The following DNAJC5 variants were observed in gnomAD, a reference collection of about 807,000 sequenced individuals.
The protein encoded by DNAJC5 is dnaJ homolog subfamily C member 5.
A neutral mutation model predicts 23.2 loss-of-function variants in DNAJC5; 1 was observed. The ratio of observed to expected loss-of-function variants is 0.04; its 90% CI spans 0.02 to 0.20. The LOEUF is 0.20. DNAJC5 is among the 10% of genes least tolerant of loss of function. DNAJC5 has a pLI of 1.00. For missense variants in DNAJC5, 180 were observed against 267.0 expected (o/e 0.67, Z 2.27); for synonymous variants, 136 against 120.0 (o/e 1.13, Z -0.87).
At chr20:63,923,474 C>T (rs944922253) in intron 1 of DNAJC5, among the ~76,000 whole-genome samples, 1 of 149,358 alleles carries the variant, frequency 6.7e-6, no homozygotes, top group Non-Finnish European at 1.5e-5. Flanking sequence ...TAGGGTGGCT[C>T]ACACCTGTGA....
At chr20:63,900,063 A>G (rs2053401990) in intron 1 of DNAJC5, among the ~76,000 whole-genome samples, 1 of 150,262 alleles carries the variant, frequency 6.7e-6, no homozygotes, top group Non-Finnish European at 1.5e-5. Flanking sequence ...TAATTTTTGT[A>G]TTTTTAGTAG....
rs570195308 is a variant in DNAJC5 at position 63,902,682 on chromosome 20, T to TG, written c.-12+7359_-12+7360insG. On this transcript the variant is annotated intron_variant, in intron 1 of 4. Coordinates refer to ENST00000360864, the MANE Select transcript of DNAJC5 (RefSeq NM_025219.3). Reference sequence around the variant, plus strand: ...CGCACCTGGCCTCATCTTGTTTTTTTTTTTTTTTTTTGAGACAGAGTCTTG... The same window carrying TG: ...CGCACCTGGCCTCATCTTGTTTTTTTGTTTTTTTTTTTGAGACAGAGTCTTG... 3.4e-5 allele frequency among the ~76,000 whole-genome samples: 5 copies of TG among 146,024 alleles called. No individual in the cohort carries two copies. The South Asian group carries it at 1.1e-3, about 32-fold the overall frequency.
At chr20:63,927,730 C>T (rs2053628211) in intron 1 of DNAJC5, among the ~76,000 whole-genome samples, 1 of 151,982 alleles carries the variant, frequency 6.6e-6, no homozygotes. Context: ...TCTGTCAGTC[C>T]CTTACTTTAA....
chr20:63,917,973 T>C (rs974393437), intron 1 of DNAJC5, among the ~76,000 whole-genome samples: 2 of 152,222 alleles, frequency 1.3e-5, no homozygotes, highest in Non-Finnish European at 1.5e-5. Flanking sequence ...CCTGCCAGTG[T>C]CTGTGCTGCT....
chr20:63,908,266 C>CT (rs1273835678), intron 1 of DNAJC5, among the ~76,000 whole-genome samples: 1 of 152,230 alleles, frequency 6.6e-6, no homozygotes, highest in Non-Finnish European at 1.5e-5. Context: ...GTGAATTTCT[C>CT]TAAGAGCAGT....
chr20:63,931,593 G>T lies in DNAJC5; in HGVS notation c.*25G>T. The T allele has an allele frequency of 6.5e-7, 1 of 1,540,270 alleles. No individual in the cohort carries two copies. On this transcript the variant is annotated 3_prime_UTR_variant, in exon 5 of 5. Transcript: ENST00000360864. This position sits in a 1 kb window ranked among gnomAD's most constrained non-coding sequence, Gnocchi z 9.6. ...AATCCAGGAGGAGCTGTGGTCAGAG[G>T]AGGAGCCGGCGCCTGGCCACGCCAA...
At position 63,933,709 on chromosome 20, in the gene DNAJC5, G is replaced by A. The variant is rs1339831307; in HGVS notation, c.*2141G>A. The A allele has an allele frequency of 6.6e-6, 1 of 152,382 alleles. No homozygotes were observed. The highest frequency in any genetic ancestry group is 2.4e-5 in the African/African-American group (1 of 41,450). The allele number at this position is 152,382 out of a possible 1,614,324, so 9.4% of individuals were successfully genotyped here. A position where few individuals can be genotyped will look rare whatever the true frequency, so the allele number is the denominator to read the frequency against. On this transcript the variant is annotated 3_prime_UTR_variant, in exon 5 of 5. Coordinates refer to ENST00000360864, the MANE Select transcript of DNAJC5 (RefSeq NM_025219.3). ...TTTGTAGATGTAGCTTAGGACGTGA[G>A]TTATTTTTCCGCAGACTGGCCAAGA...
chr20:63,911,671 T>C (rs778499091), intron 1 of DNAJC5, among the ~76,000 whole-genome samples: 20 of 152,040 alleles, frequency 1.3e-4, no homozygotes, highest in Non-Finnish European at 2.5e-4. Context: ...CCAGGGACTT[T>C]AGGAATTCTT....
rs531246320 is a variant in DNAJC5, at chr20:63,895,194, T to TGCCGCCGCC, written c.-128_-120dup. 5.3e-4 allele frequency: 81 copies of TGCCGCCGCC among 153,704 alleles called. No individual in the cohort carries two copies. Among genetic ancestry groups the TGCCGCCGCC allele is most frequent in the East Asian group, 1.9e-3 (10 of 5,316 alleles). 9.5% of individuals were successfully genotyped at this position (153,704 alleles called of 1,614,324 possible). A position where few individuals can be genotyped will look rare whatever the true frequency, so the allele number is the denominator to read the frequency against. Reference sequence around the variant, plus strand: ...CTGCCGGTGCCGCACCCGCGCCCTCTGCCGCCGCCGCCGCCGCCGCCCGGG... The same window carrying TGCCGCCGCC: ...CTGCCGGTGCCGCACCCGCGCCCTCTGCCGCCGCCGCCGCCGCCGCCGCCGCCGCCCGGG... On this transcript the variant is annotated 5_prime_UTR_variant, in exon 1 of 5. Coordinates refer to ENST00000360864, the MANE Select transcript of DNAJC5 (RefSeq NM_025219.3).
chr20:63,931,562 C>A lies in DNAJC5; in HGVS notation c.591C>A (p.Phe197Leu). ...DSHPSYHTDG[F>L]N is the part of the protein sequence containing the mutation. ...ACCCCAGCTACCACACTGACGGGTT[C>A]AACTAAATCCAGGAGGAGCTGTGGT... The change falls in exon 5 of 5, where the codon TTC becomes TTA. Residue 197 changes from phenylalanine (F) to leucine (L), a missense_variant. Phe to Leu is a conservative substitution (Grantham distance 22). Transcript: ENST00000360864. The surrounding 1 kb of genome is among the most constrained non-coding windows in gnomAD (Gnocchi z 9.6). 6.4e-7 allele frequency: 1 copy of A among 1,566,006 alleles called. No individual in the cohort carries two copies. Among genetic ancestry groups the A allele is most frequent in the Non-Finnish European group, 8.6e-7 (1 of 1,159,962 alleles).
At chr20:63,926,882 A>G (rs944728930) in intron 1 of DNAJC5, among the ~76,000 whole-genome samples, 3 of 152,222 alleles carry the variant, frequency 2.0e-5, no homozygotes, top group Non-Finnish European at 4.4e-5. Flanking sequence ...CGATGCAGCA[A>G]AGGAGACATG....
rs1033311502 is a variant in DNAJC5 at position 63,930,843 on chromosome 20, C to T, written c.322-8C>T. On this transcript the variant is annotated splice_region_variant and splice_polypyrimidine_tract_variant and intron_variant, in intron 3 of 4. Transcript: ENST00000360864. The stretch of plus-strand genomic sequence containing the variant: ...AGGCCATGCAACACCACCTTCTTCT[C>T]CCCCCAGGCCCTGTTTGTCTTCTGC... 3 of 1,611,858 alleles carry T rather than the reference C, an allele frequency of 1.9e-6. No homozygotes were observed. The highest frequency in any genetic ancestry group is 1.7e-6 in the Non-Finnish European group (2 of 1,179,826).
At chr20:63,921,106 T>C (rs1197440088) in intron 1 of DNAJC5, among the ~76,000 whole-genome samples, 1 of 152,060 alleles carries the variant, frequency 6.6e-6, no homozygotes, top group Non-Finnish European at 1.5e-5. Context: ...ATTACAGGCA[T>C]GTGCCATCAC....
chr20:63,934,346 G>C lies in DNAJC5; in HGVS notation c.*2778G>C, dbSNP rs1479821392. Reference sequence around the variant, plus strand: ...CCCCTGCCTGCTTTTGCTGGTGGCAGTGACGGGACCCCGACTCCTCACTCT... The same window carrying C: ...CCCCTGCCTGCTTTTGCTGGTGGCACTGACGGGACCCCGACTCCTCACTCT... On this transcript the variant is annotated 3_prime_UTR_variant, in exon 5 of 5. Transcript: ENST00000360864. 6.6e-6 allele frequency: 1 copy of C among 152,378 alleles called. No homozygotes were observed. The highest frequency in any genetic ancestry group is 1.9e-4 in the East Asian group (1 of 5,202). The allele number at this position is 152,378 out of a possible 1,614,324, so 9.4% of individuals were successfully genotyped here.
At position 63,929,234 on chromosome 20, in the gene DNAJC5, G is replaced by A; in HGVS notation, c.108-78G>A. 1 of 1,507,892 alleles carries A rather than the reference G, an allele frequency of 6.6e-7. No individual in the cohort carries two copies. Among genetic ancestry groups the A allele is most frequent in the Admixed American group, 1.9e-5 (1 of 51,298 alleles). 93.4% of individuals were successfully genotyped at this position (1,507,892 alleles called of 1,614,324 possible). ...CCTTCCACTGCACCCGGCAGTGCGTGCGGGTGGGATGGACGCGGCGGCGGG... is the reference window on the plus strand; with the variant it reads ...CCTTCCACTGCACCCGGCAGTGCGTACGGGTGGGATGGACGCGGCGGCGGG... On this transcript the variant is annotated intron_variant, in intron 2 of 4. Transcript: ENST00000360864. This position sits in a 1 kb window ranked among gnomAD's most constrained non-coding sequence, Gnocchi z 8.6.
chr20:63,932,871 C>T lies in DNAJC5; in HGVS notation c.*1303C>T, dbSNP rs41278214. The T allele has an allele frequency of 0.065, 9,936 of 152,452 alleles. 469 individuals carry two copies. Among genetic ancestry groups the T allele is most frequent in the Non-Finnish European group, 0.079 (5,373 of 68,068 alleles). The allele number at this position is 152,452 out of a possible 1,614,324, so 9.4% of individuals were successfully genotyped here. On this transcript the variant is annotated 3_prime_UTR_variant, in exon 5 of 5. Coordinates refer to ENST00000360864, the MANE Select transcript of DNAJC5 (RefSeq NM_025219.3). This position sits in a 1 kb window ranked among gnomAD's most constrained non-coding sequence, Gnocchi z 4.4. ...CCTTGGGAGGCCAGCAGCCAGACTA[C>T]GGAATCCACATGTGGACCATGGGAA...
chr20:63,931,349 G>A lies in DNAJC5; in HGVS notation c.494-116G>A. 9.6e-7 allele frequency: 1 copy of A among 1,043,074 alleles called. No homozygotes were observed. The highest frequency in any genetic ancestry group is 1.4e-6 in the Non-Finnish European group (1 of 699,374). The allele number at this position is 1,043,074 out of a possible 1,614,324, so 64.6% of individuals were successfully genotyped here. ...AGCCGTGTGGGGTGGAGGTCAGCGAGTAGCCTCTCCCGGTGGAGAGTTTGT... is the reference window on the plus strand; with the variant it reads ...AGCCGTGTGGGGTGGAGGTCAGCGAATAGCCTCTCCCGGTGGAGAGTTTGT... On this transcript the variant is annotated intron_variant, in intron 4 of 4. Coordinates refer to ENST00000360864, the MANE Select transcript of DNAJC5 (RefSeq NM_025219.3). This position sits in a 1 kb window ranked among gnomAD's most constrained non-coding sequence, Gnocchi z 9.6.
rs1455262461 is a variant in DNAJC5, at chr20:63,899,486, A to AT, written c.-12+4164dup. Among the ~76,000 whole-genome samples, 4 of 152,362 alleles carry AT rather than the reference A, an allele frequency of 2.6e-5. No homozygotes were observed. In the South Asian group the frequency reaches 8.3e-4, roughly 32 times the overall value. ...TTGGTACATCACAGACATTTAATAG[A>AT]TACAGGTCATTAGAAATAAAAATTG... On this transcript the variant is annotated intron_variant, in intron 1 of 4. Coordinates refer to ENST00000360864, the MANE Select transcript of DNAJC5 (RefSeq NM_025219.3).
At chr20:63,910,429 G>C (rs1303366206) in intron 1 of DNAJC5, among the ~76,000 whole-genome samples, 1 of 151,864 alleles carries the variant, frequency 6.6e-6, no homozygotes, top group Non-Finnish European at 1.5e-5. Flanking sequence ...TGTAGTCCCA[G>C]CTACTCGGGA....
Sources: allele counts gnomAD v4.1 joint callset (sites outside exome capture counted in the v4.1 genomes callset), GRCh38; gene constraint gnomAD v4.1.1; non-coding constraint Gnocchi (gnomAD v3.1); transcripts MANE v1.5; gene names NCBI Gene and HGNC (gene_info 2026-07-23, HGNC 2026-07-21).